Variants in SPATA6 observed in about 807,000 individuals in gnomAD.
The protein encoded by SPATA6 is spermatogenesis-associated protein 6.
A neutral mutation model predicts 65.3 loss-of-function variants in SPATA6; 56 were observed. The ratio of observed to expected loss-of-function variants is 0.86; its 90% CI spans 0.69 to 1.07. SPATA6 has a LOEUF of 1.07. Ranked by LOEUF, SPATA6 falls within the 50% of genes least tolerant of loss-of-function variation. The pLI is 0.00. For synonymous variants in SPATA6, 199 were observed against 213.2 expected, an observed-to-expected ratio of 0.93 and a Z score of 0.58; for missense variants, 590 against 594.8, an observed-to-expected ratio of 0.99 and a Z score of 0.08.
the SPATA6 span, among the ~76,000 whole-genome samples, chr1:48,289,847 T>C: frequency 6.6e-6 from 1 of 152,196 alleles, no homozygotes; most frequent in Non-Finnish European, 1.5e-5. Context: ...AATATGGGAC[T>C]ATGTGAAAAG....
chr1:48,276,637 G>T, the SPATA6 span, among the ~76,000 whole-genome samples: 1 of 152,088 alleles, frequency 6.6e-6, no homozygotes, highest in African/African-American at 2.4e-5. Context: ...ATATAGTTGT[G>T]CATTTTGAGT....
intron 3 of SPATA6, among the ~76,000 whole-genome samples, chr1:48,416,969 C>T (rs1652842156): frequency 6.6e-6 from 1 of 152,026 alleles, no homozygotes; most frequent in Non-Finnish European, 1.5e-5. Context: ...AGGCTTTCTA[C>T]CAAAAACCTA....
intron 9 of SPATA6, among the ~76,000 whole-genome samples, chr1:48,364,695 T>C (rs966132298): frequency 6.6e-6 from 1 of 152,252 alleles, no homozygotes; most frequent in Non-Finnish European, 1.5e-5. Context: ...ATTCTGGATG[T>C]TAGCCCTTTG....
downstream of SPATA6, among the ~76,000 whole-genome samples, chr1:48,294,756 C>T (rs1047691204): frequency 6.6e-6 from 1 of 152,194 alleles, no homozygotes; most frequent in Non-Finnish European, 1.5e-5. Flanking sequence ...GTCACCTCTT[C>T]TAATGCTGCT....
chr1:48,318,294 A>T (rs1442419062), intron 11 of SPATA6, among the ~76,000 whole-genome samples: 1 of 152,196 alleles, frequency 6.6e-6, no homozygotes, highest in East Asian at 1.9e-4. Flanking sequence ...ATTAGCCAAG[A>T]ATATGACATA....
intron 3 of SPATA6, among the ~76,000 whole-genome samples, chr1:48,423,390 A>C (rs1653530043): frequency 6.7e-6 from 1 of 148,466 alleles, no homozygotes; most frequent in Non-Finnish European, 1.5e-5. Flanking sequence ...CAGGAGGTGG[A>C]GGTTGCCTTG....
In SPATA6 at chr1:48,399,509, G is replaced by A; in HGVS notation, c.622C>T (p.Gln208Ter). Reference sequence around the variant, plus strand: ...TGTGATTTTGAAGAAATTGTAGGCTGTTCGTAGTTTTTTGCATTTATACAG... The same window carrying A: ...TGTGATTTTGAAGAAATTGTAGGCTATTCGTAGTTTTTTGCATTTATACAG... ...KYCINAKNYE[Q>*]PTISSKSHSP... The change falls in exon 7 of 13, where the codon CAG (glutamine) becomes TAG (stop). Residue 208 changes from glutamine to a stop codon, truncating the protein, a stop_gained. Coordinates refer to ENST00000371847, the MANE Select transcript of SPATA6 (RefSeq NM_019073.4). LOFTEE classifies it high-confidence loss of function. The A allele has an allele frequency of 6.2e-7, 1 of 1,613,230 alleles. No individual in the cohort carries two copies. The highest frequency in any genetic ancestry group is 1.1e-5 in the South Asian group (1 of 91,036).
intron 10 of SPATA6, among the ~76,000 whole-genome samples, chr1:48,358,359 AATTT>A (rs907841730): frequency 6.6e-6 from 1 of 151,742 alleles, no homozygotes; most frequent in African/African-American, 2.4e-5. Flanking sequence ...AATAAAAACA[AATTT>A]ATTTATAAAA....
chr1:48,330,832 C>T (rs1442442192), intron 11 of SPATA6, among the ~76,000 whole-genome samples: 1 of 152,182 alleles, frequency 6.6e-6, no homozygotes, highest in Non-Finnish European at 1.5e-5. Context: ...CCATCTTTCT[C>T]CCAGGAAGCA....
chr1:48,462,613 T>A (rs1657530557), intron 1 of SPATA6, among the ~76,000 whole-genome samples: 1 of 152,160 alleles, frequency 6.6e-6, no homozygotes, highest in Non-Finnish European at 1.5e-5. Flanking sequence ...GTAAGTAAGA[T>A]TGGTGTGATA....
At chr1:48,359,917 C>A in intron 9 of SPATA6, 147 bp from the exon 10 acceptor site, 2 of 587,396 alleles carry the variant, frequency 3.4e-6, no homozygotes, top group Middle Eastern at 4.8e-4. Context: ...TATGCCACAG[C>A]TATAAAGATA....
intron 3 of SPATA6, among the ~76,000 whole-genome samples, chr1:48,431,822 A>C (rs576222252): frequency 6.6e-6 from 1 of 152,336 alleles, no homozygotes; most frequent in Admixed American, 6.5e-5. Flanking sequence ...ATTAAAAAAT[A>C]AGAAAGGGCA....
intron 9 of SPATA6, among the ~76,000 whole-genome samples, chr1:48,382,306 C>T (rs1648742267): frequency 1.5e-5 from 1 of 68,264 alleles, no homozygotes; most frequent in Admixed American, 1.2e-4. Flanking sequence ...CCCTCACCTC[C>T]CGGATGGGGC....
At position 48,383,333 on chromosome 1, in the gene SPATA6, G is replaced by A. The variant is rs1452931284; in HGVS notation, c.909+1976C>T. 5.1e-3 allele frequency among the ~76,000 whole-genome samples: 307 copies of A among 60,758 alleles called. 105 individuals are homozygous for A. The highest frequency in any genetic ancestry group is 7.2e-3 in the Non-Finnish European group (186 of 25,694). The allele number at this position is 60,758 out of a possible 152,430, so 39.9% of individuals were successfully genotyped here. On this transcript the variant is annotated intron_variant, in intron 9 of 12. Transcript: ENST00000371847. ...TGACCCCCCCACCTCCCTCCCGGAC[G>A]GGGCGGCTGGCCGACCGCCCCCCCG...
intron 11 of SPATA6, among the ~76,000 whole-genome samples, chr1:48,319,572 G>A (rs951912865): frequency 6.6e-6 from 1 of 152,130 alleles, no homozygotes; most frequent in Non-Finnish European, 1.5e-5. Context: ...GTGAAGTCAG[G>A]CAGCCCTCCA....
intron 9 of SPATA6, among the ~76,000 whole-genome samples, chr1:48,382,834 CGG>C (rs1648894966): frequency 1.6e-5 from 2 of 124,726 alleles, no homozygotes; most frequent in African/African-American, 5.9e-5. Context: ...CCCTCCCGGA[CGG>C]GGCGGCTGGC....
At chr1:48,424,509 G>A (rs1281560266) in intron 3 of SPATA6, among the ~76,000 whole-genome samples, 2 of 152,140 alleles carry the variant, frequency 1.3e-5, no homozygotes, top group Non-Finnish European at 2.9e-5. Context: ...ACTCAGCAGT[G>A]GGATTGCTGG....
chr1:48,375,823 A>T (rs1433658048), intron 9 of SPATA6, among the ~76,000 whole-genome samples: 1 of 152,190 alleles, frequency 6.6e-6, no homozygotes, highest in Non-Finnish European at 1.5e-5. Context: ...TGATTTCACC[A>T]AGGATATTTT....
intron 1 of SPATA6, among the ~76,000 whole-genome samples, chr1:48,465,926 C>G (rs1348668544): frequency 6.6e-6 from 1 of 152,090 alleles, no homozygotes; most frequent in Admixed American, 6.6e-5. Flanking sequence ...TGATTATCAA[C>G]TGCTATTATG....
Sources: allele counts gnomAD v4.1 joint callset (sites outside exome capture counted in the v4.1 genomes callset), GRCh38; gene constraint gnomAD v4.1.1; transcripts MANE v1.5; gene names NCBI Gene and HGNC (gene_info 2026-07-23, HGNC 2026-07-21).